NRXN1: variants seen among roughly 807,000 people sequenced by gnomAD.
The protein encoded by NRXN1 is neurexin-1.
NRXN1 carries 39 observed loss-of-function variants against 150.9 expected under a neutral mutation model. The ratio of observed to expected loss-of-function variants is 0.26; its 90% CI spans 0.20 to 0.34. NRXN1 has a LOEUF of 0.34. NRXN1 is among the 10% of genes least tolerant of loss of function. The pLI is 1.00. For synonymous variants in NRXN1, 924 were observed against 757.0 expected, an observed-to-expected ratio of 1.22 and a Z score of -3.62; for missense variants, 1,815 against 1,949.9, an observed-to-expected ratio of 0.93 and a Z score of 1.30.
At chr2:50,762,648 A>G (rs560974676) in intron 5 of NRXN1, among the ~76,000 whole-genome samples, 1 of 152,048 alleles carries the variant, frequency 6.6e-6, no homozygotes, top group East Asian at 2.0e-4. Flanking sequence ...AGCTGTATCA[A>G]TGTTGCTGCA....
intron 5 of NRXN1, among the ~76,000 whole-genome samples, chr2:50,733,842 T>C (rs575564695): frequency 7.9e-5 from 12 of 152,320 alleles, no homozygotes; most frequent in African/African-American, 2.6e-4. Flanking sequence ...GATTATAGTT[T>C]TAATCTGTAC....
At chr2:50,467,329 T>G (rs1268228827) in intron 16 of NRXN1, among the ~76,000 whole-genome samples, 1 of 151,590 alleles carries the variant, frequency 6.6e-6, no homozygotes, top group Non-Finnish European at 1.5e-5. Flanking sequence ...CTAAATAGCT[T>G]TAGAGTATAA....
At chr2:50,415,016 C>T (rs923966358) in intron 17 of NRXN1, among the ~76,000 whole-genome samples, 2 of 152,084 alleles carry the variant, frequency 1.3e-5, no homozygotes, top group Non-Finnish European at 1.5e-5. Context: ...TCTCTTGTCA[C>T]TTCATAACTA....
chr2:50,744,385 G>A (rs908982102), intron 5 of NRXN1, among the ~76,000 whole-genome samples: 1 of 151,978 alleles, frequency 6.6e-6, no homozygotes, highest in African/African-American at 2.4e-5. Flanking sequence ...GTCAATATAT[G>A]TAAGAAAATA....
intron 12 of NRXN1, among the ~76,000 whole-genome samples, chr2:50,515,540 T>C (rs1217339924): frequency 6.6e-6 from 1 of 151,806 alleles, no homozygotes; most frequent in African/African-American, 2.4e-5. Flanking sequence ...AAATCTAGGA[T>C]AAATTAGGTT....
intron 8 of NRXN1, among the ~76,000 whole-genome samples, chr2:50,576,879 T>G (rs1671517345): frequency 6.6e-6 from 1 of 152,122 alleles, no homozygotes; most frequent in African/African-American, 2.4e-5. Flanking sequence ...CAACCTCCTC[T>G]GTGGTTAAGT....
At chr2:50,928,187 G>C (rs1029202569) in intron 2 of NRXN1, among the ~76,000 whole-genome samples, 7 of 151,714 alleles carry the variant, frequency 4.6e-5, no homozygotes, top group South Asian at 2.1e-4. Flanking sequence ...ATCCAGAAAA[G>C]TGGTCTGTCT....
At chr2:50,696,410 G>A (rs1314342868) in intron 5 of NRXN1, 1 of 152,542 alleles carries the variant, frequency 6.6e-6, no homozygotes, top group Non-Finnish European at 1.5e-5. Context: ...TTCTGATGGA[G>A]AGTTAGAAAA....
Position 50,347,144 on chromosome 2 carries a change from A to G in NRXN1, c.3365-110174T>C. ...GAGTCCGCCGTGCCTAGCACCCCAA[A>G]CAATCCGAAACATAGCCGAGGCGAA... On this transcript the variant is annotated intron_variant, in intron 17 of 22. Transcript: ENST00000401669. This position sits in a 1 kb window ranked among gnomAD's most constrained non-coding sequence, Gnocchi z 4.9. 1 of 1,378,408 alleles carries G rather than the reference A, an allele frequency of 7.3e-7. No homozygotes were observed. Among genetic ancestry groups the G allele is most frequent in the Non-Finnish European group, 9.5e-7 (1 of 1,047,850 alleles). 85.4% of individuals were successfully genotyped at this position (1,378,408 alleles called of 1,614,324 possible).
At chr2:50,197,804 T>G (rs367951404) in intron 18 of NRXN1, among the ~76,000 whole-genome samples, 2 of 152,296 alleles carry the variant, frequency 1.3e-5, no homozygotes, top group African/African-American at 4.8e-5. Flanking sequence ...TCACAGCTAC[T>G]TGACACCTAC....
intron 18 of NRXN1, among the ~76,000 whole-genome samples, chr2:50,174,255 T>A (rs959629071): frequency 3.9e-5 from 6 of 152,240 alleles, no homozygotes; most frequent in Non-Finnish European, 7.4e-5. Flanking sequence ...AACAAGACGA[T>A]CTCTATCAGA....
chr2:50,989,498 T>C (rs868732242), intron 2 of NRXN1, among the ~76,000 whole-genome samples: 13 of 151,990 alleles, frequency 8.6e-5, no homozygotes, highest in Non-Finnish European at 1.0e-4. Flanking sequence ...AGCAATTGTT[T>C]TCTGTCCCTG....
chr2:50,225,532 G>A (rs547275410), intron 18 of NRXN1, among the ~76,000 whole-genome samples: 3 of 151,930 alleles, frequency 2.0e-5, no homozygotes, highest in African/African-American at 2.4e-5. Context: ...ACCAAGAAGG[G>A]CATAATTAGT....
chr2:50,362,135 C>A (rs908018935), intron 17 of NRXN1, among the ~76,000 whole-genome samples: 29 of 152,210 alleles, frequency 1.9e-4, no homozygotes, highest in African/African-American at 3.9e-4. Flanking sequence ...AAACCCACAA[C>A]AAATATCATA....
intron 5 of NRXN1, among the ~76,000 whole-genome samples, chr2:50,749,558 A>C (rs1320939619): frequency 6.6e-6 from 1 of 152,106 alleles, no homozygotes; most frequent in Non-Finnish European, 1.5e-5. Context: ...AATATCTATT[A>C]AAGCATTATT....
At chr2:50,497,788 A>T in intron 13 of NRXN1, 74 bp from the exon 14 acceptor site, 2 of 1,400,668 alleles carry the variant, frequency 1.4e-6, no homozygotes, top group Non-Finnish European at 1.9e-6. Context: ...TCATAACAAT[A>T]TCACATTCTA....
intron 15 of NRXN1, among the ~76,000 whole-genome samples, chr2:50,492,029 C>G (rs927390342): frequency 3.9e-5 from 6 of 152,128 alleles, no homozygotes; most frequent in Admixed American, 6.5e-5. Context: ...TTAGCTCCCT[C>G]CCATATATAT....
At chr2:50,959,685 G>A (rs779360738) in intron 2 of NRXN1, among the ~76,000 whole-genome samples, 14 of 151,882 alleles carry the variant, frequency 9.2e-5, no homozygotes, top group African/African-American at 2.2e-4. Context: ...CACAATCTTC[G>A]GAATATGCTA....
intron 17 of NRXN1, among the ~76,000 whole-genome samples, chr2:50,352,184 C>T (rs982526471): frequency 2.0e-5 from 3 of 151,938 alleles, no homozygotes; most frequent in African/African-American, 7.3e-5. Flanking sequence ...AGAAATGAGA[C>T]ATGGATTTGA....
Sources: allele counts gnomAD v4.1 joint callset (sites outside exome capture counted in the v4.1 genomes callset), GRCh38; gene constraint gnomAD v4.1.1; non-coding constraint Gnocchi (gnomAD v3.1); transcripts MANE v1.5; gene names NCBI Gene and HGNC (gene_info 2026-07-23, HGNC 2026-07-21).